CNST: variants seen among roughly 807,000 people sequenced by gnomAD.
The protein encoded by CNST is consortin.
CNST carries 39 observed loss-of-function variants against 72.4 expected under a neutral mutation model. The observed-to-expected ratio is 0.54, with a 90% CI of 0.42 to 0.70. The LOEUF is 0.70. CNST is among the 30% of genes least tolerant of loss of function. The pLI is 0.00. For synonymous variants in CNST, 332 were observed against 320.1 expected, an observed-to-expected ratio of 1.04 and a Z score of -0.40; for missense variants, 871 against 868.5, an observed-to-expected ratio of 1.00 and a Z score of -0.04.
At chr1:246,598,091 C>G (rs1662004255) in intron 2 of CNST, among the ~76,000 whole-genome samples, 1 of 151,972 alleles carries the variant, frequency 6.6e-6, no homozygotes, top group Non-Finnish European at 1.5e-5. Context: ...AGGTGATTCT[C>G]TCACCTCAGC....
At chr1:246,602,425 T>G (rs899274338) in intron 2 of CNST, among the ~76,000 whole-genome samples, 2 of 152,188 alleles carry the variant, frequency 1.3e-5, no homozygotes, top group Non-Finnish European at 2.9e-5. Context: ...GGTTGGATAA[T>G]CTGCTTCCAA....
intron 1 of CNST, among the ~76,000 whole-genome samples, chr1:246,583,842 CCATT>C (rs1179343461): frequency 6.6e-6 from 1 of 152,104 alleles, no homozygotes; most frequent in African/African-American, 2.4e-5. Flanking sequence ...CATCGTGTTC[CCATT>C]CAAAGGGCAA....
At chr1:246,660,710 G>A (rs903216167) in intron 10 of CNST, among the ~76,000 whole-genome samples, 21 of 152,184 alleles carry the variant, frequency 1.4e-4, no homozygotes, top group Non-Finnish European at 2.8e-4. Flanking sequence ...GTGGCAGAGC[G>A]AGGCTCCATC....
intron 1 of CNST, among the ~76,000 whole-genome samples, chr1:246,585,828 C>T (rs1372315941): frequency 3.3e-5 from 5 of 151,764 alleles, no homozygotes; most frequent in Admixed American, 3.3e-4. Flanking sequence ...ATCTGTAATC[C>T]TGGCACTTTG....
In CNST at chr1:246,619,551, C is replaced by T. The variant is rs760146459; in HGVS notation, c.380-1878C>T. On this transcript the variant is annotated intron_variant, in intron 2 of 10. Coordinates refer to ENST00000366513, the MANE Select transcript of CNST (RefSeq NM_152609.3). ...AACCAATTACTGTACTGCAACCTAG[C>T]GTCATACGAGGCCATATACCAGGTT... is the stretch of plus-strand genomic sequence containing the variant. 3.3e-5 allele frequency among the ~76,000 whole-genome samples: 5 copies of T among 152,218 alleles called. No individual in the cohort carries two copies. In the South Asian group the frequency reaches 6.2e-4, roughly 19 times the overall value.
chr1:246,598,149 A>AT (rs56847805), intron 2 of CNST, among the ~76,000 whole-genome samples: 2,787 of 135,558 alleles, frequency 0.021, 96 homozygotes, highest in African/African-American at 0.069. Flanking sequence ...GCTCAGCTGA[A>AT]TTTTTTTTTT....
intron 9 of CNST, among the ~76,000 whole-genome samples, chr1:246,649,854 G>T (rs1275512637): frequency 6.7e-6 from 1 of 150,052 alleles, no homozygotes. Flanking sequence ...GTCCCCTCCA[G>T]AGCAATTCTT....
At chr1:246,608,903 G>A (rs1663111593) in intron 2 of CNST, among the ~76,000 whole-genome samples, 1 of 152,178 alleles carries the variant, frequency 6.6e-6, no homozygotes, top group African/African-American at 2.4e-5. Context: ...GTAAATTCTG[G>A]ATGTACGTTG....
intron 2 of CNST, among the ~76,000 whole-genome samples, chr1:246,618,361 A>C (rs1663834526): frequency 6.6e-6 from 1 of 152,188 alleles, no homozygotes; most frequent in Admixed American, 6.5e-5. Context: ...GTGCTCTCTG[A>C]TTTTATATTA....
chr1:246,654,432 CT>C (rs1414443518), intron 9 of CNST, among the ~76,000 whole-genome samples: 1 of 152,226 alleles, frequency 6.6e-6, no homozygotes, highest in Non-Finnish European at 1.5e-5. Flanking sequence ...CTATGATTCC[CT>C]GATCACTGGA....
chr1:246,615,397 G>C (rs1049506594), intron 2 of CNST, among the ~76,000 whole-genome samples: 1 of 151,794 alleles, frequency 6.6e-6, no homozygotes, highest in South Asian at 2.1e-4. Context: ...GGATGGTCTC[G>C]ATCTCCTGAC....
At chr1:246,645,844 G>A (rs1420170582) in intron 8 of CNST, among the ~76,000 whole-genome samples, 2 of 152,122 alleles carry the variant, frequency 1.3e-5, no homozygotes, top group African/African-American at 2.4e-5. Flanking sequence ...TTCACACGGA[G>A]GTTTTTAACT....
intron 3 of CNST, among the ~76,000 whole-genome samples, chr1:246,628,104 G>A (rs1572201509): frequency 6.6e-6 from 1 of 152,090 alleles, no homozygotes; most frequent in African/African-American, 2.4e-5. Context: ...GGGAGGCTAG[G>A]CCTGTCTCTC....
chr1:246,616,855 T>C (rs1663736260), intron 2 of CNST, among the ~76,000 whole-genome samples: 1 of 151,914 alleles, frequency 6.6e-6, no homozygotes, highest in African/African-American at 2.4e-5. Context: ...GCCCGGCCAA[T>C]ACTTTTTTTT....
At position 246,660,272 on chromosome 1, in the gene CNST, T is replaced by C; in HGVS notation, c.1910T>C (p.Met637Thr). 1 of 1,614,016 alleles carries C rather than the reference T, an allele frequency of 6.2e-7. No individual in the cohort carries two copies. Among genetic ancestry groups the C allele is most frequent in the Non-Finnish European group, 8.5e-7 (1 of 1,179,918 alleles). The change falls in exon 10 of 11, where the codon ATG (methionine) becomes ACG (threonine). Residue 637 changes from methionine to threonine, a missense_variant. Transcript: ENST00000366513. Reference protein sequence around the residue: ...NDTVGDHPAQMQHKPSKRRVR... With the variant: ...NDTVGDHPAQTQHKPSKRRVR... ...ACTGTAGGAGATCATCCTGCCCAAA[T>C]GCAACACAAACCATCTAAGCGAAGA...
In CNST at chr1:246,647,850, G is replaced by A; in HGVS notation, c.1649G>A (p.Ser550Asn). The change falls in exon 9 of 11, where the codon AGC becomes AAC. Residue 550 changes from serine to asparagine, a missense_variant. Coordinates refer to ENST00000366513, the MANE Select transcript of CNST (RefSeq NM_152609.3). The part of the protein sequence containing the change: ...LNKETEDYLN[S>N]LLEGCLKDTE... ...AAAGAAACAGAAGACTATTTGAACA[G>A]CCTTTTAGAAGGATGTTTAAAAGAT... 6.2e-7 allele frequency: 1 copy of A among 1,614,160 alleles called. No homozygotes were observed. The highest frequency in any genetic ancestry group is 8.5e-7 in the Non-Finnish European group (1 of 1,180,032).
chr1:246,636,474 G>A (rs1411732465), intron 6 of CNST, among the ~76,000 whole-genome samples: 2 of 152,102 alleles, frequency 1.3e-5, no homozygotes, highest in Non-Finnish European at 2.9e-5. Flanking sequence ...TGGTAAGCGC[G>A]ATGCCCTCTC....
At chr1:246,651,240 G>A (rs182859514) in intron 9 of CNST, among the ~76,000 whole-genome samples, 3 of 151,886 alleles carry the variant, frequency 2.0e-5, no homozygotes, top group Non-Finnish European at 2.9e-5. Context: ...TAGGAACCCC[G>A]AGGCAATGAG....
chr1:246,585,779 C>A (rs189193121), intron 1 of CNST, among the ~76,000 whole-genome samples: 1 of 149,284 alleles, frequency 6.7e-6, no homozygotes. Flanking sequence ...GTATACTCAA[C>A]GATCAGTTTC....
Sources: gnomAD v4.1 joint callset for allele counts (sites outside exome capture counted in the v4.1 genomes callset) on GRCh38, gnomAD v4.1.1 for gene constraint, MANE v1.5 for transcripts, NCBI Gene and HGNC (gene_info 2026-07-23, HGNC 2026-07-21) for gene names.